The following PLPPR5 variants were observed in gnomAD, a reference collection of about 807,000 sequenced individuals.
The protein encoded by PLPPR5 is phospholipid phosphatase related 5.
In PLPPR5, 16 loss-of-function variants were observed where a neutral mutation model predicts 33.9. The observed-to-expected ratio is 0.47, with a 90% confidence interval of 0.32 to 0.72. The LOEUF (loss-of-function observed/expected upper bound fraction) is 0.72, where lower values mean the gene tolerates loss of function less well. PLPPR5 is among the 30% of genes least tolerant of loss of function. The pLI is 0.03. For synonymous variants in PLPPR5, 163 were observed against 150.3 expected, an observed-to-expected ratio of 1.08 and a Z score of -0.62; for missense variants, 301 against 406.7, an observed-to-expected ratio of 0.74 and a Z score of 2.23.
intron 1 of PLPPR5, among the ~76,000 whole-genome samples, chr1:98,986,552 G>A (rs911080262): frequency 6.6e-6 from 1 of 151,712 alleles, no homozygotes; most frequent in Admixed American, 6.6e-5. Context: ...TTTGTTAAAG[G>A]AATAAGGGAA....
intron 4 of PLPPR5, among the ~76,000 whole-genome samples, chr1:98,917,061 AAACTC>A (rs1469058488): frequency 6.6e-6 from 1 of 152,102 alleles, no homozygotes; most frequent in African/African-American, 2.4e-5. Context: ...ACTCAAAACT[AAACTC>A]AAGATCTGCC....
At chr1:98,945,069 A>G (rs541163056) in intron 3 of PLPPR5, among the ~76,000 whole-genome samples, 1 of 152,228 alleles carries the variant, frequency 6.6e-6, no homozygotes, top group South Asian at 2.1e-4. Context: ...CTACCCAGCT[A>G]TAAGCACTGC....
Position 98,933,697 on chromosome 1 carries a change from C to T in PLPPR5, c.622-11639G>A, listed in dbSNP as rs536345398. 2.6e-5 allele frequency among the ~76,000 whole-genome samples: 4 copies of T among 152,224 alleles called. No individual in the cohort carries two copies. In the East Asian group the frequency reaches 5.8e-4, roughly 22 times the overall value. On this transcript the variant is annotated intron_variant, in intron 3 of 5. Transcript: ENST00000263177. ...TCTAGCTCCGAAACCTGAGAAACTA[C>T]TGAAAACATACTGACCATTCAAATA...
At chr1:98,921,825 T>A (rs903896325) in intron 4 of PLPPR5, 57 bp downstream of exon 4, 57 of 1,381,532 alleles carry the variant, frequency 4.1e-5, no homozygotes, top group Non-Finnish European at 5.4e-5. Context: ...TATTTTCTCA[T>A]GGTGATTATG....
intron 5 of PLPPR5, among the ~76,000 whole-genome samples, chr1:98,900,672 A>T (rs1259574509): frequency 3.3e-5 from 5 of 152,186 alleles, no homozygotes; most frequent in African/African-American, 4.8e-5. Context: ...TTAACTTTTT[A>T]AAATGCTTTA....
chr1:98,899,778 C>T (rs1230189252), intron 5 of PLPPR5, among the ~76,000 whole-genome samples: 2 of 151,714 alleles, frequency 1.3e-5, no homozygotes, highest in Non-Finnish European at 2.9e-5. Context: ...CCTGCCTCAG[C>T]CTCCTGAGTA....
intron 1 of PLPPR5, among the ~76,000 whole-genome samples, chr1:99,001,494 C>T (rs965247687): frequency 2.6e-5 from 4 of 151,556 alleles, no homozygotes; most frequent in South Asian, 2.1e-4. Flanking sequence ...TTACTAGACT[C>T]GGAACCTGAG....
chr1:98,908,965 G>C (rs1649012835), intron 5 of PLPPR5, among the ~76,000 whole-genome samples: 1 of 152,048 alleles, frequency 6.6e-6, no homozygotes, highest in Non-Finnish European at 1.5e-5. Context: ...CCTCCTTAGA[G>C]AGCAGCTTAA....
intron 3 of PLPPR5, 50 bp from the exon 4 acceptor site, chr1:98,922,108 T>TTAGCA: frequency 6.5e-7 from 1 of 1,534,902 alleles, no homozygotes; most frequent in Non-Finnish European, 9.0e-7. Context: ...ATTTCCTTTA[T>TTAGCA]TAGCATAGCA....
intron 1 of PLPPR5, among the ~76,000 whole-genome samples, chr1:98,977,763 G>T (rs1557690899): frequency 6.6e-6 from 1 of 151,428 alleles, no homozygotes; most frequent in Non-Finnish European, 1.5e-5. Flanking sequence ...TTTATCTTCT[G>T]GTAGAGAACT....
chr1:98,940,212 G>A (rs183241158), intron 3 of PLPPR5, among the ~76,000 whole-genome samples: 19 of 151,924 alleles, frequency 1.3e-4, no homozygotes, highest in Non-Finnish European at 2.4e-4. Flanking sequence ...CCAAGATGAG[G>A]GTGCTGGCAT....
In PLPPR5 at chr1:98,987,858, A is replaced by AAAT. The variant is rs537278099; in HGVS notation, c.237+16574_237+16576dup. On this transcript the variant is annotated intron_variant, in intron 1 of 5. Coordinates refer to ENST00000263177, the MANE Select transcript of PLPPR5 (RefSeq NM_001037317.2). ...TTGATTTGTTTTTCTAGGTTTAAGA[A>AAAT]AATATGTTTTTTCTCTTAAGCTACC... Among the ~76,000 whole-genome samples the AAAT allele has an allele frequency of 2.4e-3, 358 of 152,176 alleles. 2 individuals are homozygous for AAAT. Among genetic ancestry groups the AAAT allele is most frequent in the African/African-American group, 8.2e-3 (342 of 41,558 alleles).
intron 1 of PLPPR5, among the ~76,000 whole-genome samples, chr1:98,984,489 T>C (rs1652184613): frequency 6.6e-6 from 1 of 152,090 alleles, no homozygotes; most frequent in Admixed American, 6.6e-5. Flanking sequence ...GTGGCCATTA[T>C]GTAGAATGTT....
intron 1 of PLPPR5, among the ~76,000 whole-genome samples, chr1:98,966,642 G>A (rs564685024): frequency 1.7e-3 from 252 of 152,326 alleles, no homozygotes; most frequent in African/African-American, 5.8e-3. Context: ...AGGCCGCTTT[G>A]ATGGAAGGAT....
At chr1:99,003,908 G>A (rs1437463251) in intron 1 of PLPPR5, among the ~76,000 whole-genome samples, 1 of 152,174 alleles carries the variant, frequency 6.6e-6, no homozygotes, top group Non-Finnish European at 1.5e-5. Flanking sequence ...GGTCAGCTTA[G>A]TCCCATTGGC....
chr1:98,900,514 TATATTACGAATCTGATTATAA>T (rs1648658195), intron 5 of PLPPR5, among the ~76,000 whole-genome samples: 4 of 152,294 alleles, frequency 2.6e-5, no homozygotes, highest in African/African-American at 9.6e-5. Flanking sequence ...TTACATTTCA[TATATTACGAATCTGATTATAA>T]ATAAAATTTC....
intron 3 of PLPPR5, among the ~76,000 whole-genome samples, chr1:98,941,253 C>T (rs1052615678): frequency 1.3e-5 from 2 of 151,732 alleles, no homozygotes; most frequent in African/African-American, 4.8e-5. Context: ...ATGTTTCCAA[C>T]ATATTAAAAA....
intron 1 of PLPPR5, among the ~76,000 whole-genome samples, chr1:98,989,902 G>A (rs1379678767): frequency 6.6e-6 from 1 of 152,096 alleles, no homozygotes; most frequent in African/African-American, 2.4e-5. Flanking sequence ...ATAGAATGAA[G>A]TGTTATCCAA....
At chr1:98,964,829 G>A (rs954297797) in intron 1 of PLPPR5, among the ~76,000 whole-genome samples, 1 of 152,132 alleles carries the variant, frequency 6.6e-6, no homozygotes, top group Non-Finnish European at 1.5e-5. Context: ...TTGGAAGCAG[G>A]ATCTTGTTCT....
Sources: allele counts gnomAD v4.1 joint callset (sites outside exome capture counted in the v4.1 genomes callset), GRCh38; gene constraint gnomAD v4.1.1; transcripts MANE v1.5; gene names NCBI Gene and HGNC (gene_info 2026-07-23, HGNC 2026-07-21).